The following CTNNB1 variants were observed in gnomAD, a reference collection of about 807,000 sequenced individuals.
CTNNB1 encodes the protein catenin beta-1.
In CTNNB1, 6 loss-of-function variants were observed where a neutral mutation model predicts 82.5. The observed-to-expected ratio is 0.07, with a 90% CI of 0.04 to 0.14. The LOEUF is 0.14. Among genes scored for constraint, CTNNB1 ranks in the 10% least tolerant of loss-of-function variants. The pLI is 1.00. For synonymous variants in CTNNB1, 312 were observed against 329.7 expected (o/e 0.95, Z 0.58); for missense variants, 529 against 980.4 (o/e 0.54, Z 6.15).
At chr3:41,235,979 T>C in intron 11 of CTNNB1, 136 bp downstream of exon 11, 1 of 1,163,444 alleles carries the variant, frequency 8.6e-7, no homozygotes, top group Non-Finnish European at 1.3e-6. Flanking sequence ...CTACATTTTT[T>C]GGTCAGTAAG....
intron 1 of CTNNB1, among the ~76,000 whole-genome samples, chr3:41,202,610 ACT>A (rs1262285337): frequency 1.3e-5 from 2 of 152,098 alleles, no homozygotes; most frequent in African/African-American, 4.8e-5. Context: ...GCCTCCTTGT[ACT>A]CTCATTGAGA....
intron 11 of CTNNB1, chr3:41,236,127 A>C: frequency 2.8e-6 from 2 of 725,508 alleles, no homozygotes; most frequent in South Asian, 3.5e-5. Context: ...ATCTTAGATC[A>C]GTTAGAGCTG....
At chr3:41,238,125 A>G (rs1368405091) in intron 14 of CTNNB1, 49 bp downstream of exon 14, 3 of 1,549,780 alleles carry the variant, frequency 1.9e-6, no homozygotes, top group Non-Finnish European at 2.7e-6. Context: ...CTAAAGTTCT[A>G]AAACTTTTAT....
intron 1 of CTNNB1, among the ~76,000 whole-genome samples, chr3:41,204,693 G>GT (rs2077610169): frequency 6.6e-6 from 1 of 152,224 alleles, no homozygotes; most frequent in South Asian, 2.1e-4. Flanking sequence ...ATTTGCAAGT[G>GT]TTGGTGAACA....
In CTNNB1 at chr3:41,225,873, A is replaced by G. The variant is rs201692300; in HGVS notation, c.936+12A>G. The G allele has an allele frequency of 7.9e-4, 1,267 of 1,607,894 alleles. 11 individuals carry two copies. Among genetic ancestry groups the G allele is most frequent in the South Asian group, 3.4e-3 (311 of 90,808 alleles). On this transcript the variant is annotated intron_variant, in intron 6 of 14. Transcript: ENST00000349496. This position sits in a 1 kb window ranked among gnomAD's most constrained non-coding sequence, Gnocchi z 5.3. ...ACCAAGAAAGCAAGGTAAGAGAATT[A>G]TTCTTTATGTGGTTTTCATGGAGCA...
In CTNNB1 at chr3:41,231,712, A is replaced by G. The variant is rs541731375; in HGVS notation, c.1082-1629A>G. Among the ~76,000 whole-genome samples the G allele has an allele frequency of 3.9e-5, 6 of 152,340 alleles. 1 individual carries two copies. In the South Asian group the frequency reaches 1.0e-3, roughly 26 times the overall value. On this transcript the variant is annotated intron_variant, in intron 7 of 14. Transcript: ENST00000349496. ...TTTAAAATATTAATAATAGCATTGT[A>G]TAGATTAACAGTTTGAATGACCAAA...
chr3:41,227,462 C>T lies in CTNNB1; in HGVS notation c.1081+110C>T, dbSNP rs2078205214. On this transcript the variant is annotated intron_variant, in intron 7 of 14. Coordinates refer to ENST00000349496, the MANE Select transcript of CTNNB1 (RefSeq NM_001904.4). ...CTTTAACTACTGAAAATAAATGGTC[C>T]TATTCAGTTTGCAGCCAAGATTTAC... The T allele has an allele frequency of 3.4e-6, 4 of 1,169,682 alleles. No individual in the cohort carries two copies. The East Asian group carries it at 9.7e-5, about 28-fold the overall frequency. 72.5% of individuals were successfully genotyped at this position (1,169,682 alleles called of 1,614,324 possible). A position where few individuals can be genotyped will look rare whatever the true frequency, so the allele number is the denominator to read the frequency against.
intron 1 of CTNNB1, among the ~76,000 whole-genome samples, chr3:41,206,520 T>G (rs1456196451): frequency 6.6e-6 from 1 of 152,170 alleles, no homozygotes; most frequent in Non-Finnish European, 1.5e-5. Flanking sequence ...GAAGATGATC[T>G]TAAGTGGTGA....
Position 41,231,320 on chromosome 3 carries a change from C to CT in CTNNB1, c.1082-2020dup, listed in dbSNP as rs532617993. On this transcript the variant is annotated intron_variant, in intron 7 of 14. Transcript: ENST00000349496. ...TCAGCCTGGGCGACAGAGTGAGACT[C>CT]TATCTCAAAAAAAAAAAAAAGGGAA... Among the ~76,000 whole-genome samples, 405 of 134,898 alleles carry CT rather than the reference C, an allele frequency of 3.0e-3. 2 individuals are homozygous for CT. The highest frequency in any genetic ancestry group is 9.8e-3 in the African/African-American group (360 of 36,820). 88.5% of individuals were successfully genotyped at this position (134,898 alleles called of 152,430 possible).
intron 7 of CTNNB1, among the ~76,000 whole-genome samples, chr3:41,229,590 C>T (rs921001189): frequency 1.3e-5 from 2 of 152,036 alleles, no homozygotes; most frequent in African/African-American, 2.4e-5. Flanking sequence ...TTTATTGGAT[C>T]AAGGAGCTTT....
At position 41,225,327 on chromosome 3, in the gene CTNNB1, A is replaced by C. The variant is rs754070358; in HGVS notation, c.496-7A>C. On this transcript the variant is annotated splice_polypyrimidine_tract_variant and splice_region_variant and intron_variant, in intron 4 of 14. Coordinates refer to ENST00000349496, the MANE Select transcript of CTNNB1 (RefSeq NM_001904.4). The surrounding 1 kb of genome is among the most constrained non-coding windows in gnomAD (Gnocchi z 5.3). ...ACTAACGATGTTTCTGAATTCCTGT[A>C]TTACAGGTGGTGGTTAATAAGGCTG... 15 of 1,613,930 alleles carry C rather than the reference A, an allele frequency of 9.3e-6. No individual in the cohort carries two copies. Among genetic ancestry groups the C allele is most frequent in the Non-Finnish European group, 1.3e-5 (15 of 1,179,956 alleles).
At chr3:41,215,253 G>C (rs1487330440) in intron 1 of CTNNB1, among the ~76,000 whole-genome samples, 1 of 149,412 alleles carries the variant, frequency 6.7e-6, no homozygotes, top group Non-Finnish European at 1.5e-5. Context: ...TGGGGTTGGT[G>C]GTGGGCAGTA....
In CTNNB1 at chr3:41,224,672, G is replaced by C. The variant is rs2078133150; in HGVS notation, c.160G>C (p.Glu54Gln). 6.2e-7 allele frequency: 1 copy of C among 1,613,996 alleles called. No homozygotes were observed. The highest frequency in any genetic ancestry group is 8.5e-7 in the Non-Finnish European group (1 of 1,179,966). Reference protein sequence around the residue: ...PSLSGKGNPEEEDVDTSQVLY... With the variant: ...PSLSGKGNPEQEDVDTSQVLY... Reference sequence around the variant, plus strand: ...TCTGAGTGGTAAAGGCAATCCTGAGGAAGAGGATGTGGATACCTCCCAAGT... The same window carrying C: ...TCTGAGTGGTAAAGGCAATCCTGAGCAAGAGGATGTGGATACCTCCCAAGT... Residue 54 changes from glutamate (E) to glutamine (Q), a missense_variant, in exon 3 of 15, where the codon GAA becomes CAA. Glu to Gln is a conservative substitution (Grantham distance 29). Transcript: ENST00000349496.
chr3:41,203,987 C>CA (rs930317097), intron 1 of CTNNB1, among the ~76,000 whole-genome samples: 117 of 152,176 alleles, frequency 7.7e-4, no homozygotes, highest in African/African-American at 2.6e-3. Context: ...CGGAAAATGA[C>CA]ACTTACCAGT....
chr3:41,235,638 T>TA (rs2078416484), intron 10 of CTNNB1, 86 bp from the exon 11 acceptor site: 1 of 1,560,578 alleles, frequency 6.4e-7, no homozygotes, highest in Admixed American at 1.7e-5. Flanking sequence ...TTCGGGTATA[T>TA]AATGTAAATA....
chr3:41,238,238 T>G lies in CTNNB1; in HGVS notation c.2137+162T>G, dbSNP rs1377519355. ...TTCCAGTCAGCAACAGTATCTTTAA[T>G]GGAGCACAGGGAATTCAGAGCCACA... On this transcript the variant is annotated intron_variant, in intron 14 of 14. Transcript: ENST00000349496. The G allele has an allele frequency of 7.4e-6, 5 of 678,416 alleles. No homozygotes were observed. In the Admixed American group the frequency reaches 1.1e-4, roughly 15 times the overall value. 42.0% of individuals were successfully genotyped at this position (678,416 alleles called of 1,614,324 possible).
chr3:41,214,745 T>TA (rs1338066714), intron 1 of CTNNB1, among the ~76,000 whole-genome samples: 1 of 152,186 alleles, frequency 6.6e-6, no homozygotes, highest in Non-Finnish European at 1.5e-5. Flanking sequence ...TCTGTTTTTT[T>TA]ATGGCCTATG....
rs2125618136 is a variant in CTNNB1, at chr3:41,224,714, C to G, written c.202C>G (p.Gln68Glu). 1 of 1,613,960 alleles carries G rather than the reference C, an allele frequency of 6.2e-7. No individual in the cohort carries two copies. The highest frequency in any genetic ancestry group is 1.3e-5 in the African/African-American group (1 of 75,016). The change falls in exon 3 of 15, where the codon CAG (glutamine) becomes GAG (glutamate). Residue 68 changes from glutamine to glutamate, a missense_variant. Physicochemically the swap from Gln to Glu is conservative, Grantham distance 29. Coordinates refer to ENST00000349496, the MANE Select transcript of CTNNB1 (RefSeq NM_001904.4). Reference protein sequence around the residue: ...DTSQVLYEWEQGFSQSFTQEQ... With the variant: ...DTSQVLYEWEEGFSQSFTQEQ... Reference sequence around the variant, plus strand: ...CTCCCAAGTCCTGTATGAGTGGGAACAGGGATTTTCTCAGTCCTTCACTCA... The same window carrying G: ...CTCCCAAGTCCTGTATGAGTGGGAAGAGGGATTTTCTCAGTCCTTCACTCA...
At chr3:41,221,100 C>T (rs2078039201) in intron 1 of CTNNB1, 1 of 152,126 alleles carries the variant, frequency 6.6e-6, no homozygotes, top group Admixed American at 6.5e-5. Flanking sequence ...AGTTGGCTAG[C>T]CCCCTCTTTG....
Sources: gnomAD v4.1 joint callset for allele counts (sites outside exome capture counted in the v4.1 genomes callset) on GRCh38, gnomAD v4.1.1 for gene constraint, Gnocchi (gnomAD v3.1) non-coding constraint, MANE v1.5 for transcripts, NCBI Gene and HGNC (gene_info 2026-07-23, HGNC 2026-07-21) for gene names.